The following BMPER variants were observed in gnomAD, a reference collection of about 807,000 sequenced individuals.
BMPER encodes BMP-binding endothelial regulator protein.
Under a neutral mutation model 87.3 loss-of-function variants are expected in BMPER, and 45 were observed. The observed-to-expected ratio is 0.52, with a 90% CI of 0.41 to 0.66. BMPER has a LOEUF of 0.66. Among genes scored for constraint, BMPER ranks in the 30% least tolerant of loss-of-function variants. BMPER has a pLI of 0.00. For missense variants in BMPER, 784 were observed against 867.5 expected, an observed-to-expected ratio of 0.90 and a Z score of 1.21; for synonymous variants, 326 against 316.2, an observed-to-expected ratio of 1.03 and a Z score of -0.33.
At chr7:33,998,011 C>T (rs1232327709) in intron 6 of BMPER, among the ~76,000 whole-genome samples, 1 of 152,140 alleles carries the variant, frequency 6.6e-6, no homozygotes, top group Non-Finnish European at 1.5e-5. Flanking sequence ...TTGTCTTTCT[C>T]TTCTTTCCCT....
At chr7:34,010,261 A>C (rs796778473) in intron 6 of BMPER, among the ~76,000 whole-genome samples, 1 of 151,770 alleles carries the variant, frequency 6.6e-6, no homozygotes, top group Non-Finnish European at 1.5e-5. Context: ...TCCTTCCTCT[A>C]TATGTAGTTT....
intron 12 of BMPER, among the ~76,000 whole-genome samples, chr7:34,083,688 G>A (rs1048112149): frequency 6.6e-6 from 1 of 152,072 alleles, no homozygotes; most frequent in African/African-American, 2.4e-5. Flanking sequence ...CAGGTGTATT[G>A]GCTTAGGAGT....
intron 6 of BMPER, among the ~76,000 whole-genome samples, chr7:34,010,380 T>G (rs1786845659): frequency 6.6e-6 from 1 of 151,966 alleles, no homozygotes; most frequent in African/African-American, 2.4e-5. Flanking sequence ...ATTAATTTAG[T>G]TATACATACA....
chr7:34,024,380 A>C (rs1447636846), intron 6 of BMPER, among the ~76,000 whole-genome samples: 5 of 72,824 alleles, frequency 6.9e-5, no homozygotes, highest in Non-Finnish European at 1.2e-4. Context: ...AAAAAAAAAA[A>C]AACAATATAT....
intron 3 of BMPER, among the ~76,000 whole-genome samples, chr7:33,945,246 T>C (rs1422224815): frequency 1.5e-5 from 2 of 131,266 alleles, no homozygotes; most frequent in Admixed American, 7.5e-5. Flanking sequence ...TGGACTTCTT[T>C]TTTTTTTTTT....
At chr7:34,052,424 T>C (rs544963472) in intron 8 of BMPER, among the ~76,000 whole-genome samples, 140 of 152,332 alleles carry the variant, frequency 9.2e-4, no homozygotes, top group South Asian at 6.6e-3. Flanking sequence ...TATTGTATCA[T>C]GTCTTATTTG....
chr7:34,146,371 C>T (rs537223908), intron 14 of BMPER, among the ~76,000 whole-genome samples: 8 of 152,272 alleles, frequency 5.3e-5, no homozygotes, highest in African/African-American at 1.9e-4. Context: ...TGGATTTTAA[C>T]ACTGTCATGA....
intron 3 of BMPER, among the ~76,000 whole-genome samples, chr7:33,953,147 C>T (rs567195074): frequency 1.3e-4 from 20 of 152,232 alleles, no homozygotes; most frequent in African/African-American, 3.6e-4. Context: ...TACTGGGTTC[C>T]GGGGACTGTG....
At chr7:33,998,999 C>T (rs1258400509) in intron 6 of BMPER, among the ~76,000 whole-genome samples, 1 of 152,248 alleles carries the variant, frequency 6.6e-6, no homozygotes, top group Non-Finnish European at 1.5e-5. Flanking sequence ...CTCTCAACAT[C>T]TCTTTCTTCC....
At chr7:34,100,156 G>A (rs1014358287) in intron 13 of BMPER, among the ~76,000 whole-genome samples, 1 of 152,176 alleles carries the variant, frequency 6.6e-6, no homozygotes, top group African/African-American at 2.4e-5. Flanking sequence ...TAAACAGCAT[G>A]ATTCCTGTCT....
intron 13 of BMPER, among the ~76,000 whole-genome samples, chr7:34,117,162 C>T (rs1227641545): frequency 2.0e-5 from 3 of 152,128 alleles, no homozygotes; most frequent in African/African-American, 7.2e-5. Flanking sequence ...CTCATCTACC[C>T]TTATGTTTTT....
At chr7:33,943,355 A>G (rs1370731515) in intron 3 of BMPER, among the ~76,000 whole-genome samples, 1 of 152,230 alleles carries the variant, frequency 6.6e-6, no homozygotes, top group East Asian at 1.9e-4. Flanking sequence ...AAACCTAAAA[A>G]TCAACAACAA....
intron 13 of BMPER, among the ~76,000 whole-genome samples, chr7:34,132,563 A>G (rs1048506794): frequency 6.6e-5 from 10 of 152,226 alleles, no homozygotes; most frequent in African/African-American, 2.4e-4. Flanking sequence ...AGGGGACTAG[A>G]ACAATTTCAA....
At chr7:34,145,990 T>G (rs1221805376) in intron 14 of BMPER, among the ~76,000 whole-genome samples, 3 of 152,058 alleles carry the variant, frequency 2.0e-5, no homozygotes, top group Non-Finnish European at 4.4e-5. Context: ...CAAATGAAGT[T>G]CAGTGGGAGG....
intron 6 of BMPER, among the ~76,000 whole-genome samples, chr7:33,990,020 C>A (rs1456825618): frequency 1.3e-5 from 2 of 151,700 alleles, no homozygotes; most frequent in Non-Finnish European, 2.9e-5. Flanking sequence ...TTACTGTAGC[C>A]TTGTAGTATA....
chr7:33,972,980 G>A (rs541779468), intron 5 of BMPER, among the ~76,000 whole-genome samples: 1 of 152,308 alleles, frequency 6.6e-6, no homozygotes, highest in South Asian at 2.1e-4. Context: ...TGGTCACTCA[G>A]AAGGACTGGC....
At chr7:34,113,220 A>G (rs999911869) in intron 13 of BMPER, among the ~76,000 whole-genome samples, 7 of 151,822 alleles carry the variant, frequency 4.6e-5, no homozygotes, top group African/African-American at 1.7e-4. Flanking sequence ...GATTTTTGAG[A>G]GTTCTTTTGG....
chr7:33,974,879 G>A (rs1016468264), intron 6 of BMPER, 95 bp downstream of exon 6: 32 of 1,239,706 alleles, frequency 2.6e-5, no homozygotes, highest in Admixed American at 1.0e-4. Context: ...CCTCTCTCTC[G>A]TCTCCTCTCT....
intron 13 of BMPER, among the ~76,000 whole-genome samples, chr7:34,122,945 C>A (rs1407629613): frequency 6.6e-6 from 1 of 152,172 alleles, no homozygotes; most frequent in East Asian, 1.9e-4. Context: ...TCTTATTTCA[C>A]ATTCATTAAT....
Sources: gnomAD v4.1 joint callset for allele counts (sites outside exome capture counted in the v4.1 genomes callset) on GRCh38, gnomAD v4.1.1 for gene constraint, MANE v1.5 for transcripts, NCBI Gene and HGNC (gene_info 2026-07-23, HGNC 2026-07-21) for gene names.